The following NEK11 variants were observed in gnomAD, a reference collection of about 807,000 sequenced individuals.
The protein encoded by NEK11 is NIMA related kinase 11, also known as serine/threonine-protein kinase Nek11.
Under a neutral mutation model 80.7 loss-of-function variants are expected in NEK11, and 72 were observed. That is an observed-to-expected ratio of 0.89 (90% confidence interval 0.74 to 1.08). The LOEUF is 1.08. NEK11 is among the 50% of genes least tolerant of loss of function. The pLI is 0.00. For missense variants in NEK11, 764 were observed against 763.6 expected (o/e 1.00, Z -0.01); for synonymous variants, 251 against 260.7 (o/e 0.96, Z 0.36).
chr3:131,308,639 T>C (rs144733943), intron 17 of NEK11, among the ~76,000 whole-genome samples: 1 of 152,374 alleles, frequency 6.6e-6, no homozygotes, highest in East Asian at 1.9e-4. Context: ...CCCATTCTAC[T>C]CTGAACTAGG....
At chr3:131,105,708 C>A (rs557924087) in intron 4 of NEK11, among the ~76,000 whole-genome samples, 2 of 152,264 alleles carry the variant, frequency 1.3e-5, no homozygotes, top group African/African-American at 4.8e-5. Context: ...GGGGAAACCA[C>A]CCCCATGATT....
chr3:131,045,434 A>G (rs1260104992), intron 3 of NEK11, among the ~76,000 whole-genome samples: 1 of 152,194 alleles, frequency 6.6e-6, no homozygotes, highest in African/African-American at 2.4e-5. Context: ...CAGGTTATTT[A>G]ATTTCAATGT....
intron 3 of NEK11, among the ~76,000 whole-genome samples, chr3:131,045,319 T>A (rs190926328): frequency 3.4e-4 from 52 of 152,352 alleles, no homozygotes; most frequent in African/African-American, 1.2e-3. Context: ...TACCACTGCC[T>A]TTGTGGTATC....
At chr3:131,329,442 T>G (rs1284829719) in intron 17 of NEK11, 1 of 151,584 alleles carries the variant, frequency 6.6e-6, no homozygotes, top group Non-Finnish European at 1.5e-5. Context: ...CACCAAGCAC[T>G]GTTCTAGGCA....
chr3:131,309,660 T>C (rs944123102), intron 17 of NEK11, among the ~76,000 whole-genome samples: 26 of 151,456 alleles, frequency 1.7e-4, no homozygotes, highest in African/African-American at 6.3e-4. Context: ...GGATGTTGAG[T>C]AAATTAAGGA....
At chr3:131,055,286 C>T (rs909571898) in intron 3 of NEK11, among the ~76,000 whole-genome samples, 6 of 152,222 alleles carry the variant, frequency 3.9e-5, no homozygotes, top group South Asian at 4.2e-4. Flanking sequence ...AGTCTTTGGT[C>T]AATGGATAGA....
chr3:131,151,574 A>G (rs1210611905), intron 7 of NEK11, among the ~76,000 whole-genome samples: 1 of 152,112 alleles, frequency 6.6e-6, no homozygotes, highest in Admixed American at 6.5e-5. Context: ...CTTTCAAGTG[A>G]CTAACATGAA....
intron 14 of NEK11, among the ~76,000 whole-genome samples, chr3:131,216,466 T>G (rs1455591319): frequency 6.6e-6 from 1 of 152,232 alleles, no homozygotes; most frequent in East Asian, 1.9e-4. Context: ...GCAGCCTGTG[T>G]AAGACATGAT....
intron 17 of NEK11, chr3:131,328,791 T>G (rs556809885): frequency 1.3e-5 from 2 of 152,334 alleles, no homozygotes; most frequent in East Asian, 3.9e-4. Flanking sequence ...TAAAATACTG[T>G]TTAGAACAGG....
intron 4 of NEK11, among the ~76,000 whole-genome samples, chr3:131,106,904 C>A (rs1426487916): frequency 6.6e-6 from 1 of 152,056 alleles, no homozygotes; most frequent in Non-Finnish European, 1.5e-5. Context: ...GCTCACTAAT[C>A]TGGAAGTGAA....
At chr3:131,181,638 T>A (rs568655932) in intron 14 of NEK11, among the ~76,000 whole-genome samples, 1 of 145,970 alleles carries the variant, frequency 6.9e-6, no homozygotes, top group Admixed American at 7.2e-5. Flanking sequence ...CCCAGCTACT[T>A]GGGAGGCTGA....
intron 11 of NEK11, among the ~76,000 whole-genome samples, chr3:131,163,052 G>A (rs1397761668): frequency 6.6e-6 from 1 of 152,198 alleles, no homozygotes; most frequent in Non-Finnish European, 1.5e-5. Flanking sequence ...GATATCACTA[G>A]TAATTAGAGT....
intron 17 of NEK11, among the ~76,000 whole-genome samples, chr3:131,343,741 T>C (rs1027245057): frequency 2.0e-4 from 31 of 152,214 alleles, no homozygotes; most frequent in Admixed American, 1.8e-3. Flanking sequence ...TGGCCTAAGC[T>C]GGACCTCTTT....
chr3:131,258,982 T>A (rs1299321085), intron 16 of NEK11, among the ~76,000 whole-genome samples: 5 of 152,144 alleles, frequency 3.3e-5, no homozygotes, highest in Non-Finnish European at 5.9e-5. Flanking sequence ...GTAGCAATAA[T>A]GTACCTTTAT....
chr3:131,150,520 C>T (rs1391122107), intron 7 of NEK11, among the ~76,000 whole-genome samples: 1 of 151,950 alleles, frequency 6.6e-6, no homozygotes, highest in African/African-American at 2.4e-5. Context: ...CCATCTTAAT[C>T]TTAGTAGTGT....
chr3:131,263,177 C>G (rs914920171), intron 16 of NEK11, among the ~76,000 whole-genome samples: 1 of 151,876 alleles, frequency 6.6e-6, no homozygotes, highest in Admixed American at 6.6e-5. Flanking sequence ...CTAATGCTAT[C>G]CCTCCCTCCT....
intron 14 of NEK11, among the ~76,000 whole-genome samples, chr3:131,173,033 G>A (rs1373040985): frequency 1.3e-5 from 2 of 152,154 alleles, no homozygotes; most frequent in Non-Finnish European, 2.9e-5. Context: ...TCTAAAAGTA[G>A]GATGAATCCT....
intron 4 of NEK11, among the ~76,000 whole-genome samples, chr3:131,098,766 G>A (rs9819881): frequency 0.43 from 65,400 of 151,442 alleles, 16,711 homozygotes; most frequent in Middle Eastern, 0.66. Flanking sequence ...CATAGAGATG[G>A]GGTTTCACCA....
chr3:131,295,077 C>T (rs567722430), intron 17 of NEK11, among the ~76,000 whole-genome samples: 1 of 152,156 alleles, frequency 6.6e-6, no homozygotes, highest in African/African-American at 2.4e-5. Flanking sequence ...CATTGATGTT[C>T]AAAGTGATTA....
Sources: gnomAD v4.1 joint callset for allele counts (sites outside exome capture counted in the v4.1 genomes callset) on GRCh38, gnomAD v4.1.1 for gene constraint, MANE v1.5 for transcripts, NCBI Gene and HGNC (gene_info 2026-07-23, HGNC 2026-07-21) for gene names.